RPS6KA2: variants seen among roughly 807,000 people sequenced by gnomAD.
RPS6KA2 encodes ribosomal protein S6 kinase A2.
A neutral mutation model predicts 91.8 loss-of-function variants in RPS6KA2; 42 were observed. That is an observed-to-expected ratio of 0.46 (90% CI 0.36 to 0.59). The LOEUF is 0.59. RPS6KA2 is among the 20% of genes least tolerant of loss of function. The pLI is 0.00. For synonymous variants in RPS6KA2, 414 were observed against 393.6 expected (o/e 1.05, Z -0.61); for missense variants, 798 against 978.5 (o/e 0.82, Z 2.46).
At chr6:166,444,861 T>C (rs975793312) in intron 14 of RPS6KA2, among the ~76,000 whole-genome samples, 3 of 152,176 alleles carry the variant, frequency 2.0e-5, no homozygotes, top group African/African-American at 7.2e-5. Context: ...TAGGACCGAT[T>C]CTAGCTGTCA....
rs762480169 is a variant in RPS6KA2 at position 166,531,213 on chromosome 6, G to T, written c.298+19C>A. The T allele has an allele frequency of 6.3e-7, 1 of 1,575,548 alleles. No individual in the cohort carries two copies. The highest frequency in any genetic ancestry group is 2.2e-5 in the East Asian group (1 of 44,712). On this transcript the variant is annotated intron_variant, in intron 3 of 20. Transcript: ENST00000265678. The stretch of plus-strand genomic sequence containing the variant: ...CAGTTACCTGTCTCTGAAGCAGCCG[G>T]CCCTTCCGAAGCTCTTACCTTTTAG...
At chr6:166,702,899 G>T in intron 2 of RPS6KA2, 1 of 705,596 alleles carries the variant, frequency 1.4e-6, no homozygotes. Context: ...AACCACCCAC[G>T]GTGATGGATG....
rs1353587478 is a variant in RPS6KA2 at position 166,852,176 on chromosome 6, C to G, written c.123+6024G>C. Among the ~76,000 whole-genome samples the G allele has an allele frequency of 6.6e-6, 1 of 152,116 alleles. No homozygotes were observed. The highest frequency in any genetic ancestry group is 2.4e-5 in the African/African-American group (1 of 41,416). ...GATTCTTGTCTGCTGGACAGAGAAA[C>G]AGTAAGAAATACAAATGCAAATAGA... On this transcript the variant is annotated intron_variant, in intron 2 of 21. Transcript: ENST00000503859. The surrounding 1 kb of genome is among the most constrained non-coding windows in gnomAD (Gnocchi z 4.1).
chr6:166,529,582 C>A (rs1252689678), intron 3 of RPS6KA2, among the ~76,000 whole-genome samples: 1 of 152,038 alleles, frequency 6.6e-6, no homozygotes, highest in East Asian at 1.9e-4. Context: ...AAAAAAAGTT[C>A]ACTCTAAAAA....
At chr6:166,759,848 G>A (rs557699805) in intron 2 of RPS6KA2, among the ~76,000 whole-genome samples, 143 of 152,308 alleles carry the variant, frequency 9.4e-4, no homozygotes, top group Middle Eastern at 3.4e-3. Context: ...AGCGGTCAAC[G>A]CAGCGCCGTT....
At chr6:166,681,701 C>CCCCACT (rs1562380182) in intron 2 of RPS6KA2, among the ~76,000 whole-genome samples, 1 of 76,090 alleles carries the variant, frequency 1.3e-5, no homozygotes, top group East Asian at 4.4e-4. Context: ...CCCCCCCCCC[C>CCCCACT]GCCCCCGCCC....
At chr6:166,568,621 G>GAAAAAAAAAAAAAAAAA (rs60613942) in intron 1 of RPS6KA2, among the ~76,000 whole-genome samples, 2 of 45,532 alleles carry the variant, frequency 4.4e-5, no homozygotes, top group African/African-American at 7.6e-5. Context: ...CTCCATCTCA[G>GAAAAAAAAAAAAAAAAA]AAAAAAAAAA....
At chr6:166,541,793 ATTCT>A (rs745477249) in intron 1 of RPS6KA2, among the ~76,000 whole-genome samples, 2 of 152,194 alleles carry the variant, frequency 1.3e-5, no homozygotes, top group African/African-American at 4.8e-5. Context: ...TTTTGTGCAG[ATTCT>A]TTCTGTCAAA....
intron 1 of RPS6KA2, among the ~76,000 whole-genome samples, chr6:166,577,914 A>G (rs1358540181): frequency 1.3e-5 from 2 of 152,206 alleles, no homozygotes; most frequent in East Asian, 1.9e-4. Context: ...ATGGGAGATA[A>G]TTTGAATCAT....
At position 166,639,707 on chromosome 6, in the gene RPS6KA2, C is replaced by A. The variant is rs1197315243; in HGVS notation, c.124-100923G>T. 6.6e-6 allele frequency among the ~76,000 whole-genome samples: 1 copy of A among 152,194 alleles called. No homozygotes were observed. Among genetic ancestry groups the A allele is most frequent in the Non-Finnish European group, 1.5e-5 (1 of 68,028 alleles). Reference sequence around the variant, plus strand: ...TCATTCACGCAGTGGCCACGGCTGTCCTTCCTGCCCGCTCTGCCTCTGCCC... The same window carrying A: ...TCATTCACGCAGTGGCCACGGCTGTACTTCCTGCCCGCTCTGCCTCTGCCC... On this transcript the variant is annotated intron_variant, in intron 2 of 21. Coordinates refer to the RPS6KA2 transcript ENST00000503859. The surrounding 1 kb of genome is among the most constrained non-coding windows in gnomAD (Gnocchi z 4.2).
In RPS6KA2 at chr6:166,781,820, C is replaced by T. The variant is rs556392277; in HGVS notation, c.123+76380G>A. 2.0e-5 allele frequency among the ~76,000 whole-genome samples: 3 copies of T among 152,290 alleles called. No homozygotes were observed. The South Asian group carries it at 6.2e-4, about 32-fold the overall frequency. ...TAGAGTCCAGAAGGCAAAGCTTCTC[C>T]CTCAGAGCCGACTATGGGCAGAGTG... On this transcript the variant is annotated intron_variant, in intron 2 of 21. Transcript: ENST00000503859.
intron 1 of RPS6KA2, among the ~76,000 whole-genome samples, chr6:166,546,323 T>C (rs920484204): frequency 6.6e-6 from 1 of 152,128 alleles, no homozygotes; most frequent in Admixed American, 6.5e-5. Flanking sequence ...GTCTGGGCAG[T>C]GGGATGAGTG....
At chr6:166,785,795 AT>A (rs1778913165) in intron 2 of RPS6KA2, among the ~76,000 whole-genome samples, 1 of 152,228 alleles carries the variant, frequency 6.6e-6, no homozygotes, top group Non-Finnish European at 1.5e-5. Context: ...CAACGATCTT[AT>A]TTATATGAGA....
chr6:166,778,758 C>T (rs1778690451), intron 2 of RPS6KA2, among the ~76,000 whole-genome samples: 1 of 152,112 alleles, frequency 6.6e-6, no homozygotes, highest in Non-Finnish European at 1.5e-5. Context: ...AAGAGTGAAA[C>T]TCTATCAAAA....
rs776598020 is a variant in RPS6KA2, at chr6:166,412,835, C to T, written c.2129G>A (p.Arg710Gln). The T allele has an allele frequency of 1.2e-5, 19 of 1,575,538 alleles. No individual in the cohort carries two copies. The highest frequency in any genetic ancestry group is 4.7e-5 in the South Asian group (4 of 85,780). ...GTTGGATGACAGCACGGGCTCCAGC[C>T]GCGGGGCCTGAGGTGTTCTGTTTAG... The part of the protein sequence containing the change: ...FALNRTPQAP[R>Q]LEPVLSSNLA... The change falls in exon 21 of 21, where the codon CGG becomes CAG. Residue 710 changes from arginine (R) to glutamine (Q), a missense_variant. Coordinates refer to ENST00000265678, the MANE Select transcript of RPS6KA2 (RefSeq NM_021135.6). The surrounding 1 kb of genome is among the most constrained non-coding windows in gnomAD (Gnocchi z 4.3).
intron 1 of RPS6KA2, among the ~76,000 whole-genome samples, chr6:166,606,650 G>A (rs1274820557): frequency 6.6e-6 from 1 of 152,106 alleles, no homozygotes; most frequent in Non-Finnish European, 1.5e-5. Context: ...ACAATAAAAA[G>A]ATAAATCACC....
In RPS6KA2 at chr6:166,452,417, A is replaced by G. The variant is rs181445004; in HGVS notation, c.1076-1184T>C. ...TCACCCAAAGCAATCTACAGATTCA[A>G]TGCAATCTCTATCAAAAAACCAACG... On this transcript the variant is annotated intron_variant, in intron 12 of 20. Coordinates refer to ENST00000265678, the MANE Select transcript of RPS6KA2 (RefSeq NM_021135.6). 3.3e-4 allele frequency among the ~76,000 whole-genome samples: 50 copies of G among 152,334 alleles called. No homozygotes were observed. The East Asian group carries it at 5.0e-3, about 15-fold the overall frequency.
chr6:166,651,699 C>T (rs1206704107), intron 2 of RPS6KA2, among the ~76,000 whole-genome samples: 1 of 152,262 alleles, frequency 6.6e-6, no homozygotes, highest in Non-Finnish European at 1.5e-5. Context: ...AGCCCTTACA[C>T]AGGATGCTTC....
intron 2 of RPS6KA2, among the ~76,000 whole-genome samples, chr6:166,749,922 G>A (rs935901328): frequency 4.0e-5 from 6 of 151,502 alleles, no homozygotes; most frequent in Admixed American, 6.6e-5. Flanking sequence ...GCTGGGCAAG[G>A]GGAAGGGGGA....
Sources: allele counts gnomAD v4.1 joint callset (sites outside exome capture counted in the v4.1 genomes callset), GRCh38; gene constraint gnomAD v4.1.1; non-coding constraint Gnocchi (gnomAD v3.1); transcripts MANE v1.5; gene names NCBI Gene and HGNC (gene_info 2026-07-23, HGNC 2026-07-21).